The following ZNF589 variants were observed in gnomAD, a reference collection of about 807,000 sequenced individuals.
The protein encoded by ZNF589 is zinc finger protein 589.
ZNF589 carries 17 observed loss-of-function variants against 13.6 expected under a neutral mutation model. The observed-to-expected ratio is 1.25, with a 90% CI of 0.86 to 1.88. ZNF589 has a LOEUF of 1.88. Among genes scored for constraint, ZNF589 ranks in the 40% most tolerant of loss-of-function variants. The pLI, the probability that ZNF589 is intolerant of heterozygous loss-of-function variation, is 0.00. For missense variants in ZNF589, 407 were observed against 434.0 expected, an observed-to-expected ratio of 0.94 and a Z score of 0.55; for synonymous variants, 148 against 161.6, an observed-to-expected ratio of 0.92 and a Z score of 0.64.
At chr3:48,244,543 G>T (rs1255550069) in intron 1 of ZNF589, among the ~76,000 whole-genome samples, 1 of 152,024 alleles carries the variant, frequency 6.6e-6, no homozygotes, top group Non-Finnish European at 1.5e-5. Flanking sequence ...GTTTTCTAGG[G>T]CATGCAAGAG....
chr3:48,251,433 AC>A (rs748411309), intron 2 of ZNF589, among the ~76,000 whole-genome samples: 1 of 151,038 alleles, frequency 6.6e-6, no homozygotes, highest in Non-Finnish European at 1.5e-5. Context: ...GGCGATGCGT[AC>A]CTGTAATCCC....
chr3:48,260,445 G>A (rs2033958643), intron 2 of ZNF589, among the ~76,000 whole-genome samples: 1 of 152,000 alleles, frequency 6.6e-6, no homozygotes, highest in African/African-American at 2.4e-5. Context: ...GTCTCACTCT[G>A]TCACCCACGC....
intron 2 of ZNF589, chr3:48,256,920 G>A: frequency 1.4e-6 from 1 of 705,978 alleles, no homozygotes; most frequent in Non-Finnish European, 2.5e-6. Flanking sequence ...CCAGACACCA[G>A]AGCCTCAAAG....
intron 1 of ZNF589, among the ~76,000 whole-genome samples, chr3:48,246,347 G>A (rs2033765594): frequency 6.6e-6 from 1 of 152,176 alleles, no homozygotes; most frequent in Non-Finnish European, 1.5e-5. Context: ...ATTTGAAGAG[G>A]AATGAGAGTC....
intron 2 of ZNF589, among the ~76,000 whole-genome samples, chr3:48,258,661 T>C (rs1261003435): frequency 6.6e-6 from 1 of 152,266 alleles, no homozygotes; most frequent in Non-Finnish European, 1.5e-5. Flanking sequence ...GTTTACTGCA[T>C]GTGAGGCATT....
chr3:48,251,378 CAG>C (rs2106835808), intron 2 of ZNF589, among the ~76,000 whole-genome samples: 1 of 147,670 alleles, frequency 6.8e-6, no homozygotes, highest in East Asian at 2.0e-4. Flanking sequence ...GCCTGGGTGA[CAG>C]AGCAAGACTC....
rs2034062592 is a variant in ZNF589, at chr3:48,269,305, A to G, written c.*519A>G. On this transcript the variant is annotated 3_prime_UTR_variant, in exon 4 of 4. Transcript: ENST00000354698. ...GCGGAGAGTGTGGGCGAGGCTTTAT[A>G]GCTCAGTCAACCCTCCACTACCACC... 1 of 1,495,820 alleles carries G rather than the reference A, an allele frequency of 6.7e-7. No homozygotes were observed. Among genetic ancestry groups the G allele is most frequent in the Non-Finnish European group, 9.1e-7 (1 of 1,098,008 alleles). The allele number at this position is 1,495,820 out of a possible 1,614,324, so 92.7% of individuals were successfully genotyped here.
Position 48,250,573 on chromosome 3 carries a change from GT to G in ZNF589, c.96+2897del, listed in dbSNP as rs879363126. 5.4e-3 allele frequency among the ~76,000 whole-genome samples: 818 copies of G among 152,120 alleles called. 3 individuals are homozygous for G. The highest frequency in any genetic ancestry group is 8.8e-3 in the Non-Finnish European group (598 of 67,998). ...TGCAATCTCCGTCTCCTGGGTTCAA[GT>G]GATTCTCCTGCTTCAGCCTCCTGAG... is the stretch of plus-strand genomic sequence containing the variant. On this transcript the variant is annotated intron_variant, in intron 2 of 3. Coordinates refer to ENST00000354698, the MANE Select transcript of ZNF589 (RefSeq NM_016089.3).
At position 48,269,738 on chromosome 3, in the gene ZNF589, T is replaced by C; in HGVS notation, c.*952T>C. ...TGTGATTTTAGCAACAAGTCAGCCA[T>C]CAGCCACACCAGCGGAAATGCTTAG... On this transcript the variant is annotated 3_prime_UTR_variant, in exon 4 of 4. Transcript: ENST00000354698. 3.0e-6 allele frequency: 1 copy of C among 338,174 alleles called. No homozygotes were observed. The highest frequency in any genetic ancestry group is 4.0e-5 in the Admixed American group (1 of 25,012). The allele number at this position is 338,174 out of a possible 1,614,324, so 20.9% of individuals were successfully genotyped here.
At chr3:48,255,822 TCTCAAACTCCTGGG>T (rs1475215397) in intron 2 of ZNF589, among the ~76,000 whole-genome samples, 1 of 151,778 alleles carries the variant, frequency 6.6e-6, no homozygotes, top group Admixed American at 6.6e-5. Context: ...CCCAGGCTGG[TCTCAAACTCCTGGG>T]CTCAAGCAAT....
rs2034080234 is a variant in ZNF589 at position 48,270,635 on chromosome 3, C to A, written c.*1849C>A. On this transcript the variant is annotated 3_prime_UTR_variant, in exon 4 of 4. Transcript: ENST00000354698. ...TACCTTGGAGAGCTATCCACTCAGG[C>A]CCCAGTGCCTCTATTTGCTAAGGGA... is the stretch of plus-strand genomic sequence containing the variant. 5.0e-6 allele frequency: 1 copy of A among 201,182 alleles called. No individual in the cohort carries two copies. The highest frequency in any genetic ancestry group is 2.3e-5 in the African/African-American group (1 of 43,298). The allele number at this position is 201,182 out of a possible 1,614,324, so 12.5% of individuals were successfully genotyped here.
At position 48,269,978 on chromosome 3, in the gene ZNF589, C is replaced by T; in HGVS notation, c.*1192C>T. ...AGCTTTGGGGACAGTCTTTTGACCC[C>T]TTACATTCCTTTAGATGTGAAGATG... On this transcript the variant is annotated 3_prime_UTR_variant, in exon 4 of 4. Coordinates refer to ENST00000354698, the MANE Select transcript of ZNF589 (RefSeq NM_016089.3). The T allele has an allele frequency of 2.2e-6, 1 of 455,504 alleles. No homozygotes were observed. Among genetic ancestry groups the T allele is most frequent in the South Asian group, 1.6e-5 (1 of 64,446 alleles). 28.2% of individuals were successfully genotyped at this position (455,504 alleles called of 1,614,324 possible).
chr3:48,244,172 A>T (rs2033734458), intron 1 of ZNF589, among the ~76,000 whole-genome samples: 1 of 152,082 alleles, frequency 6.6e-6, no homozygotes, highest in African/African-American at 2.4e-5. Flanking sequence ...GCTCAGTGGG[A>T]TCAGAACCAC....
chr3:48,256,158 T>C (rs555897268), intron 2 of ZNF589, among the ~76,000 whole-genome samples: 27 of 152,244 alleles, frequency 1.8e-4, no homozygotes, highest in African/African-American at 6.0e-4. Flanking sequence ...TGCCTCTAGC[T>C]CCCAGCATTG....
In ZNF589 at chr3:48,268,685, T is replaced by C. The variant is rs1173179903; in HGVS notation, c.994T>C (p.Phe332Leu). 1.9e-6 allele frequency: 3 copies of C among 1,612,536 alleles called. No homozygotes were observed. The highest frequency in any genetic ancestry group is 2.5e-6 in the Non-Finnish European group (3 of 1,179,692). The change falls in exon 4 of 4, where the codon TTT becomes CTT. Residue 332 changes from phenylalanine (F) to leucine (L), a missense_variant. Coordinates refer to ENST00000354698, the MANE Select transcript of ZNF589 (RefSeq NM_016089.3). ...HQRTHTREKS[F>L]MCTVCGRGFR... Reference sequence around the variant, plus strand: ...GAGGACACACACAAGGGAGAAATCGTTTATGTGCACAGTGTGTGGGCGAGG... The same window carrying C: ...GAGGACACACACAAGGGAGAAATCGCTTATGTGCACAGTGTGTGGGCGAGG...
intron 2 of ZNF589, among the ~76,000 whole-genome samples, chr3:48,253,704 G>A (rs1165252469): frequency 2.0e-5 from 3 of 151,590 alleles, no homozygotes; most frequent in East Asian, 2.0e-4. Context: ...GGGTTTCACC[G>A]TGTTAGCCAG....
chr3:48,247,574 T>C lies in ZNF589; in HGVS notation c.44-51T>C, dbSNP rs997149364. 9 of 1,607,416 alleles carry C rather than the reference T, an allele frequency of 5.6e-6. No individual in the cohort carries two copies. The African/African-American group carries it at 9.4e-5, about 17-fold the overall frequency. ...CTCAGAGGGCTCTTGGGGATCCTCA[T>C]GATGGGCCTGGTAGGGCTGGCTTCT... On this transcript the variant is annotated intron_variant, in intron 1 of 3. Coordinates refer to ENST00000354698, the MANE Select transcript of ZNF589 (RefSeq NM_016089.3).
At position 48,252,471 on chromosome 3, in the gene ZNF589, A is replaced by G. The variant is rs578135968; in HGVS notation, c.96+4794A>G. ...CTCCCAAAGTGCTGGGATTACAGGCATGAGCCACCATGCCCAGCTGTCTTT... is the reference window on the plus strand; with the variant it reads ...CTCCCAAAGTGCTGGGATTACAGGCGTGAGCCACCATGCCCAGCTGTCTTT... On this transcript the variant is annotated intron_variant, in intron 2 of 3. Transcript: ENST00000354698. 1.2e-4 allele frequency among the ~76,000 whole-genome samples: 18 copies of G among 151,690 alleles called. No homozygotes were observed. The South Asian group carries it at 2.9e-3, about 25-fold the overall frequency.
chr3:48,266,315 A>C (rs543624754), intron 3 of ZNF589, among the ~76,000 whole-genome samples: 1 of 152,336 alleles, frequency 6.6e-6, no homozygotes, highest in East Asian at 1.9e-4. Context: ...CAAAGCTGCC[A>C]TCCAGACATC....
Sources: allele counts gnomAD v4.1 joint callset (sites outside exome capture counted in the v4.1 genomes callset), GRCh38; gene constraint gnomAD v4.1.1; transcripts MANE v1.5; gene names NCBI Gene and HGNC (gene_info 2026-07-23, HGNC 2026-07-21).